The following WIPF3 variants were observed in gnomAD, a reference collection of about 807,000 sequenced individuals.
WIPF3 encodes WAS/WASL-interacting protein family member 3.
In WIPF3, 33 loss-of-function variants were observed where a neutral mutation model predicts 38.9. The ratio of observed to expected loss-of-function variants is 0.85; its 90% CI spans 0.64 to 1.14. The LOEUF (loss-of-function observed/expected upper bound fraction) is 1.14. Among genes scored for constraint, WIPF3 ranks in the 50% most tolerant of loss-of-function variants. WIPF3 has a pLI of 0.00. For synonymous variants in WIPF3, 324 were observed against 269.3 expected (o/e 1.20, Z -1.99); for missense variants, 711 against 652.5 (o/e 1.09, Z -0.98).
At chr7:29,886,082 TG>T (rs1785873111) in intron 5 of WIPF3, among the ~76,000 whole-genome samples, 2 of 152,164 alleles carry the variant, frequency 1.3e-5, no homozygotes, top group African/African-American at 4.8e-5. Context: ...TTCCATTTTT[TG>T]TTATTATGAG....
chr7:29,870,005 A>G (rs1467130989), intron 2 of WIPF3, among the ~76,000 whole-genome samples: 2 of 152,194 alleles, frequency 1.3e-5, no homozygotes, highest in African/African-American at 4.8e-5. Context: ...TTTGAGTGGA[A>G]TAACATGATC....
rs781693534 is a variant in WIPF3 at position 29,889,402 on chromosome 7, C to G, written c.1346C>G (p.Pro449Arg). 1 of 1,613,524 alleles carries G rather than the reference C, an allele frequency of 6.2e-7. No individual in the cohort carries two copies. Among genetic ancestry groups the G allele is most frequent in the South Asian group, 1.1e-5 (1 of 91,042 alleles). ...CAGAAGATTTACCCCAGCAAGATCC[C>G]CAGAAGTAAGTACCACCTTGATAAG... The part of the protein sequence containing the change: ...PCQKIYPSKI[P>R]RSRTPGPWLQ... The change falls in exon 7 of 9, where the codon CCC (proline) becomes CGC (arginine). Residue 449 changes from proline (P) to arginine (R), a missense_variant. Pro to Arg is a moderately radical substitution (Grantham distance 103, BLOSUM62 -2). Coordinates refer to ENST00000242140, the MANE Select transcript of WIPF3 (RefSeq NM_001080529.3).
At chr7:29,904,407 C>T (rs1312131529) in intron 8 of WIPF3, 45 bp downstream of exon 8, 5 of 1,576,088 alleles carry the variant, frequency 3.2e-6, no homozygotes, top group Non-Finnish European at 4.4e-6. Flanking sequence ...AGGAATTCTC[C>T]TCAGGAGGCA....
At chr7:29,869,642 CAT>C (rs574898224) in intron 2 of WIPF3, among the ~76,000 whole-genome samples, 2 of 152,196 alleles carry the variant, frequency 1.3e-5, no homozygotes, top group African/African-American at 4.8e-5. Context: ...CCAATTTACA[CAT>C]GTCCCAAATC....
intron 8 of WIPF3, chr7:29,904,688 T>C (rs564760847): frequency 7.1e-6 from 2 of 282,486 alleles, no homozygotes; most frequent in Non-Finnish European, 1.3e-5. Context: ...CTGAATAACA[T>C]GTATAAAACA....
At chr7:29,830,961 C>T (rs1311991619) in intron 1 of WIPF3, among the ~76,000 whole-genome samples, 3 of 152,174 alleles carry the variant, frequency 2.0e-5, no homozygotes, top group Admixed American at 1.3e-4. Flanking sequence ...TCAGTACTCA[C>T]GGTGCTTTTG....
chr7:29,886,415 G>A (rs1785883787), intron 5 of WIPF3, among the ~76,000 whole-genome samples: 1 of 146,824 alleles, frequency 6.8e-6, no homozygotes, highest in African/African-American at 2.5e-5. Context: ...GGAGTGCAGT[G>A]GCAGGATCTC....
At chr7:29,885,322 C>T (rs551859688) in intron 5 of WIPF3, among the ~76,000 whole-genome samples, 4 of 152,128 alleles carry the variant, frequency 2.6e-5, no homozygotes, top group Non-Finnish European at 5.9e-5. Flanking sequence ...TACCTCCACA[C>T]GTCCACAGAT....
At chr7:29,861,719 C>A (rs868829105) in intron 2 of WIPF3, among the ~76,000 whole-genome samples, 1 of 152,122 alleles carries the variant, frequency 6.6e-6, no homozygotes, top group African/African-American at 2.4e-5. Flanking sequence ...GAATGGCTGG[C>A]GTGCAGGGTC....
intron 2 of WIPF3, among the ~76,000 whole-genome samples, chr7:29,872,798 CAAA>C (rs61693654): frequency 3.2e-5 from 1 of 31,034 alleles, no homozygotes; most frequent in Non-Finnish European, 5.2e-5. Context: ...GACTCCATCT[CAAA>C]AAAAAAAAAA....
At chr7:29,900,952 G>A (rs1786263255) in intron 7 of WIPF3, among the ~76,000 whole-genome samples, 2 of 152,156 alleles carry the variant, frequency 1.3e-5, no homozygotes, top group Admixed American at 6.5e-5. Context: ...CCCCTCCCTG[G>A]CTCACAGGAA....
chr7:29,858,937 C>T (rs1226087473), intron 2 of WIPF3, among the ~76,000 whole-genome samples: 1 of 152,112 alleles, frequency 6.6e-6, no homozygotes, highest in Non-Finnish European at 1.5e-5. Context: ...TTTAATGAAG[C>T]TTTAAGAGTG....
At chr7:29,899,061 T>C (rs1421947315) in intron 7 of WIPF3, among the ~76,000 whole-genome samples, 2 of 152,182 alleles carry the variant, frequency 1.3e-5, no homozygotes, top group African/African-American at 4.8e-5. Context: ...GAGGGCTCTC[T>C]TCCTGGCTTG....
At chr7:29,861,115 G>C (rs1282142115) in intron 2 of WIPF3, among the ~76,000 whole-genome samples, 1 of 152,160 alleles carries the variant, frequency 6.6e-6, no homozygotes, top group Non-Finnish European at 1.5e-5. Flanking sequence ...GAGGTAGATG[G>C]AGTAGATTCT....
At chr7:29,850,901 C>A (rs547239982) in intron 2 of WIPF3, among the ~76,000 whole-genome samples, 4 of 152,324 alleles carry the variant, frequency 2.6e-5, no homozygotes, top group African/African-American at 9.6e-5. Context: ...TTTTGGACCT[C>A]ACTTTCCTCA....
chr7:29,874,244 T>G (rs756065831), intron 2 of WIPF3, among the ~76,000 whole-genome samples: 1 of 152,080 alleles, frequency 6.6e-6, no homozygotes, highest in Non-Finnish European at 1.5e-5. Context: ...CTCAAGTCAT[T>G]TATTCATTCG....
Position 29,823,253 on chromosome 7 carries a change from T to A in WIPF3, c.-57-11415T>A, listed in dbSNP as rs867546482. Among the ~76,000 whole-genome samples the A allele has an allele frequency of 9.9e-5, 15 of 152,124 alleles. No homozygotes were observed. Among genetic ancestry groups the A allele is most frequent in the Admixed American group, 2.0e-4 (3 of 15,264 alleles). ...CCTTTTCTAGTGTGCACTGTAAGCT[T>A]TGAGAACCCAACATTCATTTTTTTT... On this transcript the variant is annotated intron_variant, in intron 1 of 8. Transcript: ENST00000242140. This position sits in a 1 kb window ranked among gnomAD's most constrained non-coding sequence, Gnocchi z 4.0.
At chr7:29,874,012 T>G (rs1237388334) in intron 2 of WIPF3, among the ~76,000 whole-genome samples, 1 of 152,186 alleles carries the variant, frequency 6.6e-6, no homozygotes, top group Non-Finnish European at 1.5e-5. Context: ...TAAGGTCTCA[T>G]GTCTTCCTTG....
intron 2 of WIPF3, among the ~76,000 whole-genome samples, chr7:29,868,812 C>T (rs1020161439): frequency 2.6e-5 from 4 of 151,960 alleles, no homozygotes; most frequent in Non-Finnish European, 5.9e-5. Context: ...GCAACTGTAA[C>T]GCAGTGGTAA....
Sources: allele counts gnomAD v4.1 joint callset (sites outside exome capture counted in the v4.1 genomes callset), GRCh38; gene constraint gnomAD v4.1.1; non-coding constraint Gnocchi (gnomAD v3.1); transcripts MANE v1.5; gene names NCBI Gene and HGNC (gene_info 2026-07-23, HGNC 2026-07-21).